Variants in FTO observed in about 807,000 individuals in gnomAD.
The protein encoded by FTO is alpha-ketoglutarate-dependent dioxygenase FTO.
Under a neutral mutation model 63.9 loss-of-function variants are expected in FTO, and 47 were observed. The ratio of observed to expected loss-of-function variants is 0.74; its 90% CI spans 0.58 to 0.94. The LOEUF is 0.94. FTO is among the 40% of genes least tolerant of loss of function. The probability of loss-of-function intolerance (pLI) is 0.00; values close to 1 mark genes in which losing one functional copy is unlikely to be tolerated. For synonymous variants in FTO, 207 were observed against 224.4 expected, an observed-to-expected ratio of 0.92 and a Z score of 0.69; for missense variants, 562 against 618.1, an observed-to-expected ratio of 0.91 and a Z score of 0.96.
intron 8 of FTO, among the ~76,000 whole-genome samples, chr16:53,947,005 G>A (rs1240847238): frequency 1.3e-5 from 2 of 152,182 alleles, no homozygotes; most frequent in African/African-American, 2.4e-5. Context: ...TTTATGGCAA[G>A]CATATTGTCT....
chr16:53,860,883 C>A (rs1419947699), intron 4 of FTO, among the ~76,000 whole-genome samples: 1 of 69,168 alleles, frequency 1.4e-5, no homozygotes, highest in African/African-American at 5.0e-5. Flanking sequence ...ATGTTTTTAA[C>A]ACACACACAC....
chr16:53,937,188 G>A lies in FTO; in HGVS notation c.1364+3079G>A, dbSNP rs9934552. 8.6e-3 allele frequency: 3,411 copies of A among 398,420 alleles called. 92 individuals are homozygous for A. Among genetic ancestry groups the A allele is most frequent in the African/African-American group, 0.065 (3,146 of 48,688 alleles). The allele number at this position is 398,420 out of a possible 1,614,324, so 24.7% of individuals were successfully genotyped here. On this transcript the variant is annotated intron_variant, in intron 8 of 8. Coordinates refer to ENST00000471389, the MANE Select transcript of FTO (RefSeq NM_001080432.3). ...CTGTGGGTTTCCTTCTCCAAGCTTC[G>A]TAATCCCATAAACAACCCTCTCCAA...
chr16:54,057,295 G>A (rs1204790475), intron 8 of FTO, among the ~76,000 whole-genome samples: 1 of 152,226 alleles, frequency 6.6e-6, no homozygotes, highest in East Asian at 1.9e-4. Flanking sequence ...GACCACTGTG[G>A]AAGAGAGAGC....
intron 2 of FTO, among the ~76,000 whole-genome samples, chr16:53,815,656 T>G (rs1053627408): frequency 1.1e-5 from 1 of 87,154 alleles, no homozygotes; most frequent in Non-Finnish European, 2.8e-5. Flanking sequence ...TTTTTTTTTT[T>G]TTTTTTTTTT....
chr16:53,789,393 C>T (rs1598661783), intron 1 of FTO, among the ~76,000 whole-genome samples: 1 of 152,202 alleles, frequency 6.6e-6, no homozygotes, highest in African/African-American at 2.4e-5. Flanking sequence ...TAAGATTCCT[C>T]TGCATTCTCA....
intron 7 of FTO, among the ~76,000 whole-genome samples, chr16:53,890,169 T>A (rs918368518): frequency 6.6e-6 from 1 of 152,190 alleles, no homozygotes; most frequent in African/African-American, 2.4e-5. Context: ...ATAGTACCTC[T>A]GCACAGAATT....
chr16:53,712,554 C>T (rs185809965), intron 1 of FTO, among the ~76,000 whole-genome samples: 3 of 152,306 alleles, frequency 2.0e-5, no homozygotes, highest in Admixed American at 6.5e-5. Context: ...GCTAAACTAT[C>T]GAGTAACAGT....
At position 54,014,098 on chromosome 16, in the gene FTO, T is replaced by C. The variant is rs575582492; in HGVS notation, c.1364+79989T>C. On this transcript the variant is annotated intron_variant, in intron 8 of 8. Transcript: ENST00000471389. ...TTACAGGAAATGCGTTTTCCTTTGCTAGTGATATATGCACTTTGGTTTTCA... is the reference window on the plus strand; with the variant it reads ...TTACAGGAAATGCGTTTTCCTTTGCCAGTGATATATGCACTTTGGTTTTCA... Among the ~76,000 whole-genome samples the C allele has an allele frequency of 3.3e-4, 51 of 152,344 alleles. 1 individual carries two copies. The South Asian group carries it at 0.011, about 32-fold the overall frequency.
At position 54,008,184 on chromosome 16, in the gene FTO, T is replaced by C. The variant is rs775796436; in HGVS notation, c.1364+74075T>C. 4.6e-5 allele frequency among the ~76,000 whole-genome samples: 7 copies of C among 152,342 alleles called. No homozygotes were observed. The South Asian group carries it at 1.2e-3, about 27-fold the overall frequency. ...CCATTACCTTTGATACGTCTAGACC[T>C]GATCCAGTGAGTATTTGAGGGCCAA... On this transcript the variant is annotated intron_variant, in intron 8 of 8. Coordinates refer to ENST00000471389, the MANE Select transcript of FTO (RefSeq NM_001080432.3).
chr16:53,978,367 A>G (rs11642776), intron 8 of FTO, among the ~76,000 whole-genome samples: 5,151 of 152,312 alleles, frequency 0.034, 136 homozygotes, highest in Non-Finnish European at 0.056. Flanking sequence ...ACATCAAGCT[A>G]TTTCAAAATT....
intron 4 of FTO, among the ~76,000 whole-genome samples, chr16:53,872,372 C>T (rs1384481301): frequency 6.6e-6 from 1 of 152,228 alleles, no homozygotes; most frequent in Admixed American, 6.5e-5. Flanking sequence ...TTCCAGCATT[C>T]TGCCTTTCGA....
chr16:54,108,708 A>G (rs2086811724), intron 8 of FTO, among the ~76,000 whole-genome samples: 1 of 152,222 alleles, frequency 6.6e-6, no homozygotes, highest in Non-Finnish European at 1.5e-5. Context: ...AACACTGCGT[A>G]TAATTCATGT....
At chr16:53,983,444 G>A (rs2083592543) in intron 8 of FTO, among the ~76,000 whole-genome samples, 1 of 151,986 alleles carries the variant, frequency 6.6e-6, no homozygotes, top group Non-Finnish European at 1.5e-5. Flanking sequence ...AAGATGTGTG[G>A]CATACATTGT....
chr16:53,862,907 C>T (rs1158973689), intron 4 of FTO, among the ~76,000 whole-genome samples: 2 of 152,144 alleles, frequency 1.3e-5, no homozygotes, highest in African/African-American at 4.8e-5. Context: ...ATCTGTTCCT[C>T]ATGTCTAAGG....
chr16:54,034,768 T>G (rs2084908080), intron 8 of FTO, among the ~76,000 whole-genome samples: 1 of 152,202 alleles, frequency 6.6e-6, no homozygotes, highest in Non-Finnish European at 1.5e-5. Flanking sequence ...CTTGAATGAA[T>G]GTTTAATAAA....
chr16:53,798,789 A>G (rs906731316), intron 1 of FTO, among the ~76,000 whole-genome samples: 1 of 152,202 alleles, frequency 6.6e-6, no homozygotes, highest in Non-Finnish European at 1.5e-5. Context: ...AACCTTCAGT[A>G]CAATCTGGCA....
chr16:54,101,152 T>C (rs2044213812), intron 8 of FTO, among the ~76,000 whole-genome samples: 1 of 152,070 alleles, frequency 6.6e-6, no homozygotes, highest in Admixed American at 6.6e-5. Context: ...ATTTTAGGTT[T>C]AGGGGTATGT....
At chr16:53,761,118 A>G (rs1238147738) in intron 1 of FTO, among the ~76,000 whole-genome samples, 1 of 141,152 alleles carries the variant, frequency 7.1e-6, no homozygotes, top group Non-Finnish European at 1.5e-5. Flanking sequence ...TTTTCTGGAG[A>G]CAGGGTCTTG....
chr16:54,018,735 G>C (rs2084520415), intron 8 of FTO, among the ~76,000 whole-genome samples: 1 of 152,182 alleles, frequency 6.6e-6, no homozygotes, highest in Non-Finnish European at 1.5e-5. Flanking sequence ...GTCATGTGAA[G>C]AAGAATGTGT....
Sources: allele counts gnomAD v4.1 joint callset (sites outside exome capture counted in the v4.1 genomes callset), GRCh38; gene constraint gnomAD v4.1.1; transcripts MANE v1.5; gene names NCBI Gene and HGNC (gene_info 2026-07-23, HGNC 2026-07-21).